The following NREP variants were observed in gnomAD, a reference collection of about 807,000 sequenced individuals.
The protein encoded by NREP is neuronal regeneration-related protein.
A neutral mutation model predicts 8.6 loss-of-function variants in NREP; 5 were observed. The ratio of observed to expected loss-of-function variants is 0.58; its 90% confidence interval spans 0.30 to 1.22. NREP has a LOEUF of 1.22. NREP is among the 50% of genes most tolerant of loss of function. The pLI, the probability that NREP is intolerant of heterozygous loss-of-function variation, is 0.07. For missense variants in NREP, 86 were observed against 82.5 expected (o/e 1.04, Z -0.17); for synonymous variants, 27 against 28.0 (o/e 0.96, Z 0.11).
intron 2 of NREP, among the ~76,000 whole-genome samples, chr5:111,812,558 CAATTTAAGCAATGACTTAGAAGT>C (rs1359526661): frequency 6.6e-6 from 1 of 152,072 alleles, no homozygotes; most frequent in Non-Finnish European, 1.5e-5. Flanking sequence ...TATTATTAAA[CAATTTAAGCAATGACTTAGAAGT>C]AACAGATTTT....
At position 111,975,357 on chromosome 5, in the gene NREP, G is replaced by A. The variant is rs199750052; in HGVS notation, c.52C>T (p.Arg18Ter). ...TCTGTCATCCTGCTCCTCTGGGTTC[G>A]TGTTTCATCTTCTCTTCGGCTCTGC... The change falls in exon 2 of 4, where the codon CGA becomes TGA. Residue 18 changes from arginine to a stop codon, truncating the protein, a stop_gained. Coordinates refer to the NREP transcript ENST00000395634. LOFTEE classifies it high-confidence loss of function. 1.5e-3 allele frequency: 2,294 copies of A among 1,551,556 alleles called. 1 individual carries two copies. Among genetic ancestry groups the A allele is most frequent in the Non-Finnish European group, 1.8e-3 (2,066 of 1,146,878 alleles).
At chr5:111,808,418 C>T (rs1213928023) in intron 2 of NREP, among the ~76,000 whole-genome samples, 1 of 152,218 alleles carries the variant, frequency 6.6e-6, no homozygotes, top group Non-Finnish European at 1.5e-5. Context: ...TCAGGCAAAA[C>T]TGCTTAGTGT....
intron 2 of NREP, among the ~76,000 whole-genome samples, chr5:111,823,329 G>C (rs1752551360): frequency 6.6e-6 from 1 of 152,144 alleles, no homozygotes; most frequent in Non-Finnish European, 1.5e-5. Context: ...ATGAAATTTT[G>C]ATGGGTCAAA....
intron 2 of NREP, among the ~76,000 whole-genome samples, chr5:111,903,647 T>C (rs1436050258): frequency 6.6e-6 from 1 of 152,138 alleles, no homozygotes; most frequent in African/African-American, 2.4e-5. Flanking sequence ...AGGGTGATGG[T>C]AATTGTTCCA....
In NREP at chr5:111,729,350, T is replaced by G. The variant is rs1327696884; in HGVS notation, c.*1571A>C. 6.6e-6 allele frequency: 1 copy of G among 152,208 alleles called. No individual in the cohort carries two copies. Among genetic ancestry groups the G allele is most frequent in the Non-Finnish European group, 1.5e-5 (1 of 68,038 alleles). 9.4% of individuals were successfully genotyped at this position (152,208 alleles called of 1,614,324 possible). On this transcript the variant is annotated 3_prime_UTR_variant, in exon 4 of 4. Transcript: ENST00000257435. The stretch of plus-strand genomic sequence containing the variant: ...ATTGAACAAATACTACTAAAATAGC[T>G]AAAATACATTGGGTACTTGTCATGA...
At chr5:111,850,688 C>T (rs1458314914) in intron 2 of NREP, among the ~76,000 whole-genome samples, 3 of 152,104 alleles carry the variant, frequency 2.0e-5, no homozygotes, top group Non-Finnish European at 4.4e-5. Flanking sequence ...AGCCTGCTAG[C>T]TGAGTCTCCT....
chr5:111,879,457 G>C (rs939245383), intron 2 of NREP, among the ~76,000 whole-genome samples: 1 of 152,118 alleles, frequency 6.6e-6, no homozygotes, highest in African/African-American at 2.4e-5. Context: ...TCAATGATAA[G>C]GATAAATTCA....
At chr5:111,916,729 G>A (rs996793868) in intron 2 of NREP, among the ~76,000 whole-genome samples, 22 of 152,188 alleles carry the variant, frequency 1.4e-4, no homozygotes, top group African/African-American at 5.1e-4. Flanking sequence ...TACTTCACAG[G>A]GTTGTTTAAG....
intron 2 of NREP, among the ~76,000 whole-genome samples, chr5:111,746,118 T>C (rs985757272): frequency 1.3e-5 from 2 of 152,158 alleles, no homozygotes; most frequent in African/African-American, 4.8e-5. Flanking sequence ...GATTATCAGA[T>C]GAATTGTTTC....
At chr5:111,771,917 A>C (rs1751239698) in intron 2 of NREP, among the ~76,000 whole-genome samples, 1 of 152,214 alleles carries the variant, frequency 6.6e-6, no homozygotes, top group Non-Finnish European at 1.5e-5. Flanking sequence ...AGAGAACTGA[A>C]GCAAAAAAAC....
chr5:111,761,977 A>G (rs565936549), upstream of NREP, among the ~76,000 whole-genome samples: 7 of 152,312 alleles, frequency 4.6e-5, no homozygotes, highest in East Asian at 1.3e-3. Flanking sequence ...TTCTGAGAGT[A>G]ATTTGGCGGA....
intron 2 of NREP, among the ~76,000 whole-genome samples, chr5:111,974,932 G>A (rs1756919236): frequency 6.6e-6 from 1 of 152,218 alleles, no homozygotes; most frequent in African/African-American, 2.4e-5. Context: ...ATCACATACT[G>A]AGAACAAAGA....
intron 2 of NREP, among the ~76,000 whole-genome samples, chr5:111,899,452 C>T (rs779902785): frequency 8.6e-5 from 13 of 151,942 alleles, no homozygotes; most frequent in South Asian, 2.1e-4. Context: ...AATTCATGAC[C>T]GCAGTGAGCT....
intron 2 of NREP, among the ~76,000 whole-genome samples, chr5:111,737,103 C>T (rs1469970198): frequency 6.6e-6 from 1 of 152,186 alleles, no homozygotes; most frequent in Non-Finnish European, 1.5e-5. Context: ...ACCCCAACCA[C>T]CTTACTTTTC....
Position 111,870,003 on chromosome 5 carries a change from A to G in NREP, c.135+105271T>C, listed in dbSNP as rs116049926. On this transcript the variant is annotated intron_variant, in intron 2 of 3. Coordinates refer to the NREP transcript ENST00000395634. Reference sequence around the variant, plus strand: ...GCATAGATAGTGTTATATTGTGTATATGCCTCTTAAACTTCAACTCTCCAG... The same window carrying G: ...GCATAGATAGTGTTATATTGTGTATGTGCCTCTTAAACTTCAACTCTCCAG... Among the ~76,000 whole-genome samples the G allele has an allele frequency of 3.4e-3, 525 of 152,310 alleles. 6 individuals carry two copies. The highest frequency in any genetic ancestry group is 0.016 in the South Asian group (79 of 4,818).
At chr5:111,933,504 T>C (rs1755600057) in intron 2 of NREP, among the ~76,000 whole-genome samples, 1 of 152,084 alleles carries the variant, frequency 6.6e-6, no homozygotes, top group Non-Finnish European at 1.5e-5. Flanking sequence ...TTGGACTCCT[T>C]TTTGGCTTAT....
At chr5:111,752,772 G>GCA (rs959879637) in intron 2 of NREP, among the ~76,000 whole-genome samples, 155 of 151,996 alleles carry the variant, frequency 1.0e-3, no homozygotes, top group African/African-American at 3.6e-3. Flanking sequence ...TGAGTCCATG[G>GCA]CACACACACA....
At chr5:111,783,636 G>C (rs1751544838) in intron 2 of NREP, among the ~76,000 whole-genome samples, 2 of 152,136 alleles carry the variant, frequency 1.3e-5, no homozygotes, top group Non-Finnish European at 2.9e-5. Flanking sequence ...ACTATTCCTA[G>C]TTTGGTGAAC....
chr5:111,841,765 T>C (rs1581158185), intron 2 of NREP, among the ~76,000 whole-genome samples: 2 of 152,108 alleles, frequency 1.3e-5, no homozygotes, highest in African/African-American at 2.4e-5. Flanking sequence ...TGATTTCGAA[T>C]AGGTTTAGAG....
Sources: allele counts gnomAD v4.1 joint callset (sites outside exome capture counted in the v4.1 genomes callset), GRCh38; gene constraint gnomAD v4.1.1; transcripts MANE v1.5; gene names NCBI Gene and HGNC (gene_info 2026-07-23, HGNC 2026-07-21).